ITGA1: variants seen among roughly 807,000 people sequenced by gnomAD.
The protein encoded by ITGA1 is integrin subunit alpha 1.
A neutral mutation model predicts 145.9 loss-of-function variants in ITGA1; 85 were observed. That is an observed-to-expected ratio of 0.58 (90% confidence interval 0.49 to 0.70). The LOEUF (loss-of-function observed/expected upper bound fraction) is 0.70. Among genes scored for constraint, ITGA1 ranks in the 30% least tolerant of loss-of-function variants. The probability of loss-of-function intolerance (pLI) is 0.00; values close to 1 mark genes in which losing one functional copy is unlikely to be tolerated. For missense variants in ITGA1, 1,351 were observed against 1,418.7 expected (o/e 0.95, Z 0.77); for synonymous variants, 520 against 495.3 (o/e 1.05, Z -0.66).
chr5:52,861,551 A>T lies in ITGA1; in HGVS notation c.287A>T (p.Asp96Val), dbSNP rs746227634. Reference protein sequence around the residue: ...RGESLPCVKLDLPVNTSIPNV... With the variant: ...RGESLPCVKLVLPVNTSIPNV... ...GAATCATTACCTTGTGTAAAGTTGG[A>T]TCTACCAGGTATGTAAAATTAAAAA... The change falls in exon 3 of 29, where the codon GAT becomes GTT. Residue 96 changes from aspartate to valine, a missense_variant. Asp to Val is a radical substitution (Grantham distance 152, BLOSUM62 -3). Transcript: ENST00000282588. The T allele has an allele frequency of 3.1e-6, 5 of 1,597,674 alleles. No individual in the cohort carries two copies. In the East Asian group the frequency reaches 1.1e-4, roughly 36 times the overall value.
In ITGA1 at chr5:52,788,403, G is replaced by T; in HGVS notation, c.50G>T (p.Trp17Leu). Residue 17 changes from tryptophan (W) to leucine (L), a missense_variant, in exon 1 of 29, where the codon TGG becomes TTG. Coordinates refer to ENST00000282588, the MANE Select transcript of ITGA1 (RefSeq NM_181501.2). ...CCAGGGGTCGCTGTCGCCTGCTGCTGGCTCCTCACTGGTGAGCGACTCGCT... is the reference window on the plus strand; with the variant it reads ...CCAGGGGTCGCTGTCGCCTGCTGCTTGCTCCTCACTGGTGAGCGACTCGCT... ...ARPGVAVACC[W>L]LLTVVLRCCV... The T allele has an allele frequency of 1.3e-6, 2 of 1,513,432 alleles. No individual in the cohort carries two copies. The highest frequency in any genetic ancestry group is 1.2e-5 in the South Asian group (1 of 81,200). 93.8% of individuals were successfully genotyped at this position (1,513,432 alleles called of 1,614,324 possible). A position where few individuals can be genotyped will look rare whatever the true frequency, so the allele number is the denominator to read the frequency against.
At chr5:52,879,844 A>G (rs1749927595) in intron 6 of ITGA1, among the ~76,000 whole-genome samples, 1 of 152,216 alleles carries the variant, frequency 6.6e-6, no homozygotes, top group African/African-American at 2.4e-5. Context: ...AGCAGAGTGC[A>G]TGTTCATTCA....
intron 2 of ITGA1, among the ~76,000 whole-genome samples, chr5:52,857,850 C>T (rs1749540679): frequency 6.6e-6 from 1 of 152,172 alleles, no homozygotes; most frequent in South Asian, 2.1e-4. Context: ...CACTTGCCTA[C>T]AGAAGTAACT....
At chr5:52,831,298 T>C (rs1749066508) in intron 1 of ITGA1, among the ~76,000 whole-genome samples, 1 of 152,014 alleles carries the variant, frequency 6.6e-6, no homozygotes, top group African/African-American at 2.4e-5. Context: ...ACACCTCGGC[T>C]AATTTTTGTA....
At chr5:52,816,962 C>G (rs1244323137) in intron 1 of ITGA1, among the ~76,000 whole-genome samples, 3 of 152,176 alleles carry the variant, frequency 2.0e-5, no homozygotes, top group Non-Finnish European at 2.9e-5. Flanking sequence ...TTTGCCTTAA[C>G]AGAATTGGCA....
intron 19 of ITGA1, among the ~76,000 whole-genome samples, chr5:52,926,418 C>T (rs1275810853): frequency 2.0e-5 from 3 of 151,892 alleles, no homozygotes; most frequent in Middle Eastern, 3.2e-3. Context: ...CAGGCTAACA[C>T]GGTGAAACCC....
At chr5:52,800,505 C>T in intron 1 of ITGA1, 1 of 1,614,156 alleles carries the variant, frequency 6.2e-7, no homozygotes, top group East Asian at 2.2e-5. Flanking sequence ...AGGTGGGCGA[C>T]AGCCTGCGCG....
rs557732944 is a variant in ITGA1 at position 52,917,893 on chromosome 5, G to A, written c.1989-839G>A. 5.9e-5 allele frequency among the ~76,000 whole-genome samples: 9 copies of A among 152,090 alleles called. No homozygotes were observed. The South Asian group carries it at 1.9e-3, about 32-fold the overall frequency. ...AAAAAGAAAACCACCTTTTTTTAAT[G>A]CAAAAGCATAAGTAGTGACCTCATT... is the stretch of plus-strand genomic sequence containing the variant. On this transcript the variant is annotated intron_variant, in intron 15 of 28. Transcript: ENST00000282588.
At chr5:52,896,176 C>T (rs1280706623) in intron 9 of ITGA1, among the ~76,000 whole-genome samples, 1 of 152,148 alleles carries the variant, frequency 6.6e-6, no homozygotes, top group African/African-American at 2.4e-5. Context: ...GCAAGAAGCC[C>T]AGGAGAATAT....
chr5:52,899,695 A>G (rs1044091431), intron 11 of ITGA1, among the ~76,000 whole-genome samples: 2 of 152,220 alleles, frequency 1.3e-5, no homozygotes, highest in African/African-American at 2.4e-5. Context: ...AAAGAAATTG[A>G]AGGTTAGAAA....
intron 6 of ITGA1, chr5:52,867,239 A>C (rs150833109): frequency 1.3e-5 from 2 of 152,296 alleles, no homozygotes; most frequent in African/African-American, 4.8e-5. Context: ...ATGGTGGTTG[A>C]AAATTTCAAA....
chr5:52,834,795 G>T (rs759245557), intron 1 of ITGA1, among the ~76,000 whole-genome samples: 2 of 152,072 alleles, frequency 1.3e-5, no homozygotes, highest in Admixed American at 6.6e-5. Context: ...TAGGGCCCCA[G>T]TGGTTGTGAT....
At position 52,955,233 on chromosome 5, in the gene ITGA1, A is replaced by T. The variant is rs573943135; in HGVS notation, c.*2782A>T. On this transcript the variant is annotated 3_prime_UTR_variant, in exon 29 of 29. Transcript: ENST00000282588. ...CCAAATATTCTCTCTCCATTTTCAA[A>T]CTACCAAAGTGACCCTAATCAGCTT... The T allele has an allele frequency of 1.1e-4, 17 of 152,240 alleles. No individual in the cohort carries two copies. In the East Asian group the frequency reaches 3.3e-3, roughly 29 times the overall value. The allele number at this position is 152,240 out of a possible 1,614,324, so 9.4% of individuals were successfully genotyped here.
At chr5:52,916,029 C>G (rs1750641820) in intron 15 of ITGA1, among the ~76,000 whole-genome samples, 1 of 152,158 alleles carries the variant, frequency 6.6e-6, no homozygotes, top group Non-Finnish European at 1.5e-5. Context: ...TTGGTCAAGC[C>G]TAGAGGCATC....
Position 52,933,894 on chromosome 5 carries a change from C to T in ITGA1, c.2862C>T (p.Ser954=), listed in dbSNP as rs756743310. 8.3e-6 allele frequency: 12 copies of T among 1,443,408 alleles called. No individual in the cohort carries two copies. In the East Asian group the frequency reaches 1.0e-4, roughly 12 times the overall value. 89.4% of individuals were successfully genotyped at this position (1,443,408 alleles called of 1,614,324 possible). ...TTTTTCTTCTAATTAATTTTTTAAG[C>T]TCTGCAAGTGAATACCACATTTCAA... ...VKYEVGLQFY[S]SASEYHISIA... The change falls in exon 23 of 29, where the codon AGC becomes AGT. Residue 954 remains serine (S), a splice_region_variant and synonymous_variant. Coordinates refer to ENST00000282588, the MANE Select transcript of ITGA1 (RefSeq NM_181501.2).
chr5:52,874,491 A>G (rs1172377206), intron 6 of ITGA1, among the ~76,000 whole-genome samples: 4 of 152,174 alleles, frequency 2.6e-5, no homozygotes, highest in Admixed American at 2.0e-4. Flanking sequence ...CATTTAAGAT[A>G]GTTGTTAAAA....
intron 2 of ITGA1, among the ~76,000 whole-genome samples, chr5:52,857,639 C>T (rs1160754862): frequency 6.6e-6 from 1 of 152,106 alleles, no homozygotes; most frequent in East Asian, 1.9e-4. Flanking sequence ...TTCTTGCTCC[C>T]TTTCTGATTA....
intron 1 of ITGA1, among the ~76,000 whole-genome samples, chr5:52,837,612 T>C (rs1561223261): frequency 6.6e-6 from 1 of 152,088 alleles, no homozygotes; most frequent in Non-Finnish European, 1.5e-5. Flanking sequence ...ATTCTAAGTA[T>C]CAGAATGCTT....
intron 6 of ITGA1, among the ~76,000 whole-genome samples, chr5:52,873,062 A>G (rs1749803633): frequency 6.6e-6 from 1 of 152,200 alleles, no homozygotes. Context: ...TTCCTAGCAC[A>G]TGACATGAGC....
Sources: allele counts gnomAD v4.1 joint callset (sites outside exome capture counted in the v4.1 genomes callset), GRCh38; gene constraint gnomAD v4.1.1; transcripts MANE v1.5; gene names NCBI Gene and HGNC (gene_info 2026-07-23, HGNC 2026-07-21).